PTPRD: variants seen among roughly 807,000 people sequenced by gnomAD.
PTPRD encodes receptor-type tyrosine-protein phosphatase delta.
A neutral mutation model predicts 214.5 loss-of-function variants in PTPRD; 34 were observed. That is an observed-to-expected ratio of 0.16 (90% CI 0.12 to 0.21). The LOEUF is 0.21. PTPRD is among the 10% of genes least tolerant of loss of function. The pLI is 1.00. For synonymous variants in PTPRD, 1,128 were observed against 845.7 expected, an observed-to-expected ratio of 1.33 and a Z score of -5.79; for missense variants, 2,545 against 2,398.7, an observed-to-expected ratio of 1.06 and a Z score of -1.27.
At chr9:8,970,917 A>AAACAAAACAAAAC (rs1555626172) in intron 11 of PTPRD, among the ~76,000 whole-genome samples, 3 of 149,576 alleles carry the variant, frequency 2.0e-5, no homozygotes, top group Non-Finnish European at 3.0e-5. Flanking sequence ...AAACAAAACA[A>AAACAAAACAAAAC]AACAACAACA....
In PTPRD at chr9:9,579,879, T is replaced by C. The variant is rs1051854238; in HGVS notation, c.-286-5098A>G. On this transcript the variant is annotated intron_variant, in intron 7 of 45. Coordinates refer to ENST00000381196, the MANE Select transcript of PTPRD (RefSeq NM_002839.4). ...CACTCCCTTACCCTCTGAGTTTCCATTGTCAATCAACCCAAGCTCTAAGTC... is the reference window on the plus strand; with the variant it reads ...CACTCCCTTACCCTCTGAGTTTCCACTGTCAATCAACCCAAGCTCTAAGTC... Among the ~76,000 whole-genome samples, 16 of 152,124 alleles carry C rather than the reference T, an allele frequency of 1.1e-4. 1 individual carries two copies. The highest frequency in any genetic ancestry group is 9.2e-4 in the Admixed American group (14 of 15,256).
intron 11 of PTPRD, among the ~76,000 whole-genome samples, chr9:8,937,001 A>C (rs2099002142): frequency 6.6e-6 from 1 of 152,184 alleles, no homozygotes; most frequent in Non-Finnish European, 1.5e-5. Context: ...ACAAGTAAGA[A>C]ATAAAGTATT....
chr9:8,743,201 G>A (rs1163731108), intron 11 of PTPRD, among the ~76,000 whole-genome samples: 1 of 151,644 alleles, frequency 6.6e-6, no homozygotes, highest in Non-Finnish European at 1.5e-5. Context: ...ACTCAAAACA[G>A]ATTTGAATTT....
At chr9:9,537,392 C>G (rs1017466590) in intron 8 of PTPRD, among the ~76,000 whole-genome samples, 1 of 151,954 alleles carries the variant, frequency 6.6e-6, no homozygotes, top group Non-Finnish European at 1.5e-5. Flanking sequence ...AACATCAACA[C>G]AGTGACATCA....
intron 3 of PTPRD, among the ~76,000 whole-genome samples, chr9:10,205,476 G>A (rs2099467739): frequency 6.6e-6 from 1 of 151,534 alleles, no homozygotes; most frequent in South Asian, 2.1e-4. Context: ...CCTGATCTTG[G>A]CTCACTGCAA....
chr9:9,712,072 G>A (rs1480203652), intron 7 of PTPRD, among the ~76,000 whole-genome samples: 1 of 152,042 alleles, frequency 6.6e-6, no homozygotes, highest in African/African-American at 2.4e-5. Context: ...ATTTAAACAA[G>A]TTTTTCGTTG....
At chr9:9,827,154 T>G (rs2053180517) in intron 5 of PTPRD, among the ~76,000 whole-genome samples, 1 of 152,050 alleles carries the variant, frequency 6.6e-6, no homozygotes, top group Admixed American at 6.6e-5. Flanking sequence ...TGGAAAAAAC[T>G]ACTTTAAAGT....
chr9:9,785,320 C>T lies in PTPRD; in HGVS notation c.-367-18469G>A, dbSNP rs867212094. ...TTGCATAATCTCACAGTATCTCCTACAGTATATTTATTAGCTATGAAGGGA... is the reference window on the plus strand; with the variant it reads ...TTGCATAATCTCACAGTATCTCCTATAGTATATTTATTAGCTATGAAGGGA... On this transcript the variant is annotated intron_variant, in intron 5 of 45. Transcript: ENST00000381196. 2.6e-5 allele frequency among the ~76,000 whole-genome samples: 4 copies of T among 152,010 alleles called. No homozygotes were observed. The Middle Eastern group carries it at 0.01, about 388-fold the overall frequency.
chr9:8,910,897 G>GC (rs2098742248), intron 11 of PTPRD, among the ~76,000 whole-genome samples: 1 of 152,158 alleles, frequency 6.6e-6, no homozygotes, highest in South Asian at 2.1e-4. Context: ...AACAAAAGAA[G>GC]CGCAAGCCTT....
rs191083015 is a variant in PTPRD at position 8,653,450 on chromosome 9, C to T, written c.65-16606G>A. 1.5e-3 allele frequency among the ~76,000 whole-genome samples: 233 copies of T among 152,200 alleles called. 2 individuals carry two copies. Among genetic ancestry groups the T allele is most frequent in the Admixed American group, 0.014 (208 of 15,300 alleles). ...AAAGGTTCTGCCATCCTTCACTACC[C>T]ATCCCATGTTCCAAACAGTCAAACA... On this transcript the variant is annotated intron_variant, in intron 12 of 45. Transcript: ENST00000381196.
At chr9:10,370,564 T>A (rs901848909) in intron 2 of PTPRD, among the ~76,000 whole-genome samples, 1 of 152,096 alleles carries the variant, frequency 6.6e-6, no homozygotes, top group African/African-American at 2.4e-5. Flanking sequence ...ATTGAATTAA[T>A]CAAATCAAAA....
chr9:9,145,763 T>TG (rs994711862), intron 10 of PTPRD, among the ~76,000 whole-genome samples: 1 of 152,194 alleles, frequency 6.6e-6, no homozygotes, highest in African/African-American at 2.4e-5. Context: ...GGTCAGAGAT[T>TG]GGGACTATGG....
intron 11 of PTPRD, among the ~76,000 whole-genome samples, chr9:8,988,513 AC>A (rs779093600): frequency 3.9e-5 from 6 of 152,094 alleles, no homozygotes; most frequent in Non-Finnish European, 8.8e-5. Flanking sequence ...TGATTTAATA[AC>A]TTTATTTGTT....
intron 5 of PTPRD, among the ~76,000 whole-genome samples, chr9:9,794,267 A>T (rs543581099): frequency 4.3e-4 from 66 of 151,984 alleles, no homozygotes; most frequent in African/African-American, 1.5e-3. Flanking sequence ...TACAAATTAC[A>T]GTCCCATTAA....
At chr9:9,774,909 A>G (rs2098784428) in intron 5 of PTPRD, among the ~76,000 whole-genome samples, 1 of 152,210 alleles carries the variant, frequency 6.6e-6, no homozygotes, top group Non-Finnish European at 1.5e-5. Flanking sequence ...AAACAATCAT[A>G]AGCTACAGCA....
chr9:8,716,763 G>C (rs1421265140), intron 12 of PTPRD, among the ~76,000 whole-genome samples: 5 of 152,124 alleles, frequency 3.3e-5, no homozygotes, highest in Non-Finnish European at 5.9e-5. Flanking sequence ...ACAAACTTTC[G>C]AAACAGTTGA....
rs1040763989 is a variant in PTPRD at position 9,613,428 on chromosome 9, T to C, written c.-286-38647A>G. ...GATCATTGTCCCTGGGTGTGATAGA[T>C]AGATAAGCATTCTGTTCTTTTTGCC... On this transcript the variant is annotated intron_variant, in intron 7 of 45. Coordinates refer to ENST00000381196, the MANE Select transcript of PTPRD (RefSeq NM_002839.4). Among the ~76,000 whole-genome samples, 28 of 152,006 alleles carry C rather than the reference T, an allele frequency of 1.8e-4. 1 individual carries two copies. Among genetic ancestry groups the C allele is most frequent in the African/African-American group, 4.6e-4 (19 of 41,384 alleles).
intron 11 of PTPRD, among the ~76,000 whole-genome samples, chr9:8,833,709 T>TACACAC (rs1330937417): frequency 3.2e-4 from 43 of 135,384 alleles, no homozygotes; most frequent in Admixed American, 1.0e-3. Context: ...TCTATATATA[T>TACACAC]ATATATACAC....
intron 5 of PTPRD, among the ~76,000 whole-genome samples, chr9:9,934,611 G>A (rs2088378804): frequency 2.0e-5 from 3 of 151,110 alleles, no homozygotes; most frequent in African/African-American, 7.4e-5. Context: ...AAGAGTCCAG[G>A]ACCAGATGGA....
Sources: allele counts gnomAD v4.1 joint callset (sites outside exome capture counted in the v4.1 genomes callset), GRCh38; gene constraint gnomAD v4.1.1; transcripts MANE v1.5; gene names NCBI Gene and HGNC (gene_info 2026-07-23, HGNC 2026-07-21).